Variants in GALNT5 observed in about 807,000 individuals in gnomAD.
The protein encoded by GALNT5 is UDP-GalNAc:polypeptide N-acetylgalactosaminyltransferase 5.
Under a neutral mutation model 85.4 loss-of-function variants are expected in GALNT5, and 72 were observed. The ratio of observed to expected loss-of-function variants is 0.84; its 90% CI spans 0.70 to 1.03. The LOEUF is 1.03. Ranked by LOEUF, GALNT5 falls within the 50% of genes least tolerant of loss-of-function variation. The pLI is 0.00. For synonymous variants in GALNT5, 404 were observed against 397.0 expected (o/e 1.02, Z -0.21); for missense variants, 1,137 against 1,135.5 (o/e 1.00, Z -0.02).
intron 7 of GALNT5, among the ~76,000 whole-genome samples, chr2:157,305,241 G>T (rs1010812400): frequency 1.3e-5 from 2 of 152,236 alleles, no homozygotes; most frequent in Admixed American, 1.3e-4. Context: ...ATGAATTGTA[G>T]CTTGCTTGGG....
chr2:157,282,842 G>A (rs1682885427), intron 1 of GALNT5, among the ~76,000 whole-genome samples: 1 of 152,154 alleles, frequency 6.6e-6, no homozygotes, highest in African/African-American at 2.4e-5. Flanking sequence ...ATTTGAAGAA[G>A]TGTATAATAA....
chr2:157,295,645 G>T lies in GALNT5; in HGVS notation c.1742-18G>T, dbSNP rs1683196632. On this transcript the variant is annotated intron_variant, in intron 3 of 9. Coordinates refer to ENST00000259056, the MANE Select transcript of GALNT5 (RefSeq NM_014568.3). ...ATATCGTATTTTCTAAGTTTTTTGT[G>T]TGTGTTTGGCCCTCTAGGTGATGTG... 2 of 1,603,502 alleles carry T rather than the reference G, an allele frequency of 1.2e-6. No homozygotes were observed. Among genetic ancestry groups the T allele is most frequent in the Admixed American group, 1.7e-5 (1 of 58,058 alleles).
chr2:157,276,743 C>CA (rs1340390640), intron 1 of GALNT5, among the ~76,000 whole-genome samples: 3 of 152,142 alleles, frequency 2.0e-5, no homozygotes, highest in Admixed American at 6.5e-5. Flanking sequence ...AGCGGTCTAT[C>CA]AATTTTGTTG....
intron 1 of GALNT5, among the ~76,000 whole-genome samples, chr2:157,275,878 G>C (rs1682712670): frequency 6.6e-6 from 1 of 152,134 alleles, no homozygotes; most frequent in South Asian, 2.1e-4. Flanking sequence ...AGTGGTGAGA[G>C]GGGCAACTTG....
intron 8 of GALNT5, among the ~76,000 whole-genome samples, chr2:157,306,820 T>C (rs1305525317): frequency 2.0e-5 from 3 of 152,174 alleles, no homozygotes; most frequent in Non-Finnish European, 1.5e-5. Flanking sequence ...TAGCTGTGAA[T>C]TGTAAACCTG....
intron 1 of GALNT5, among the ~76,000 whole-genome samples, chr2:157,275,104 G>C (rs1278762676): frequency 6.6e-6 from 1 of 152,116 alleles, no homozygotes; most frequent in Non-Finnish European, 1.5e-5. Flanking sequence ...TCCATTTCTT[G>C]TTTTTGTCAG....
At chr2:157,282,066 T>C (rs1304477727) in intron 1 of GALNT5, among the ~76,000 whole-genome samples, 1 of 152,216 alleles carries the variant, frequency 6.6e-6, no homozygotes, top group Non-Finnish European at 1.5e-5. Context: ...GAAGTGCTAA[T>C]GCATGGATCC....
At chr2:157,273,854 T>C (rs1358616874) in intron 1 of GALNT5, among the ~76,000 whole-genome samples, 3 of 151,894 alleles carry the variant, frequency 2.0e-5, no homozygotes, top group African/African-American at 4.8e-5. Context: ...GTTAATAATA[T>C]ACTTTAAACC....
rs149642165 is a variant in GALNT5, at chr2:157,258,823, G to A, written c.741G>A (p.Pro247=). Residue 247 remains proline (P), a synonymous_variant, in exon 1 of 10, where the codon CCG becomes CCA. Coordinates refer to ENST00000259056, the MANE Select transcript of GALNT5 (RefSeq NM_014568.3). ...CACACCCTGCCAGCACAGCAGTGCC[G>A]AAGTCTGGGGAAGCCATGGCCTTAA... ...ERAHPASTAV[P]KSGEAMALNK... 1.2e-4 allele frequency: 196 copies of A among 1,589,016 alleles called. No individual in the cohort carries two copies. In the African/African-American group the frequency reaches 1.9e-3, roughly 16 times the overall value.
At chr2:157,307,531 A>G (rs893129753) in intron 8 of GALNT5, among the ~76,000 whole-genome samples, 4 of 152,286 alleles carry the variant, frequency 2.6e-5, no homozygotes, top group African/African-American at 9.6e-5. Flanking sequence ...GTTCACGTGA[A>G]TCACCTGGGG....
intron 9 of GALNT5, 68 bp from the exon 10 acceptor site, chr2:157,311,140 T>G: frequency 8.1e-7 from 1 of 1,239,100 alleles, no homozygotes. Context: ...TTAATTGATT[T>G]TCATTTCTTC....
intron 5 of GALNT5, among the ~76,000 whole-genome samples, chr2:157,298,329 C>T (rs1329576250): frequency 3.3e-5 from 5 of 152,126 alleles, no homozygotes; most frequent in Non-Finnish European, 7.4e-5. Context: ...AGAAGGAAAA[C>T]CCCATTTCCC....
intron 1 of GALNT5, among the ~76,000 whole-genome samples, chr2:157,282,864 A>T (rs945525234): frequency 1.3e-5 from 2 of 152,250 alleles, no homozygotes; most frequent in African/African-American, 4.8e-5. Context: ...ATGTATCTCA[A>T]GCAGTTGTTA....
intron 1 of GALNT5, among the ~76,000 whole-genome samples, chr2:157,283,066 T>G (rs1323599533): frequency 6.6e-6 from 1 of 152,224 alleles, no homozygotes; most frequent in Non-Finnish European, 1.5e-5. Flanking sequence ...CTGCTTCTAT[T>G]CTTGTGGATC....
intron 1 of GALNT5, among the ~76,000 whole-genome samples, chr2:157,278,648 T>A (rs1384714742): frequency 6.6e-6 from 1 of 152,196 alleles, no homozygotes; most frequent in African/African-American, 2.4e-5. Context: ...TCTCTTGCCA[T>A]GGTTTTCAGC....
chr2:157,316,103 A>T lies in GALNT5; in HGVS notation c.*4755A>T, dbSNP rs1032651126. Among the ~76,000 whole-genome samples, 2 of 152,036 alleles carry T rather than the reference A, an allele frequency of 1.3e-5. No individual in the cohort carries two copies. The highest frequency in any genetic ancestry group is 1.3e-4 in the Admixed American group (2 of 15,254). On this transcript the variant is annotated 3_prime_UTR_variant, in exon 10 of 10. Transcript: ENST00000259056. ...CAAATGCATCTTCTACCTGGCTGTC[A>T]CCATGACATTTGCACACGTGGCTTC...
chr2:157,288,871 CAT>C (rs1393040973), intron 3 of GALNT5, among the ~76,000 whole-genome samples: 2 of 152,076 alleles, frequency 1.3e-5, no homozygotes, highest in Admixed American at 1.3e-4. Context: ...TCAGCTTCAT[CAT>C]AGATTGTGCA....
At chr2:157,263,744 A>T (rs1005939798) in intron 1 of GALNT5, among the ~76,000 whole-genome samples, 4 of 152,276 alleles carry the variant, frequency 2.6e-5, no homozygotes, top group African/African-American at 9.6e-5. Context: ...ATCAAAAGGT[A>T]GCAATTCAAA....
At chr2:157,310,356 G>C (rs1683543537) in intron 9 of GALNT5, among the ~76,000 whole-genome samples, 2 of 152,044 alleles carry the variant, frequency 1.3e-5, no homozygotes, top group Admixed American at 1.3e-4. Context: ...CCCATTATAT[G>C]TAAGTCTTAA....
Sources: allele counts gnomAD v4.1 joint callset (sites outside exome capture counted in the v4.1 genomes callset), GRCh38; gene constraint gnomAD v4.1.1; transcripts MANE v1.5; gene names NCBI Gene and HGNC (gene_info 2026-07-23, HGNC 2026-07-21).